Variants in AK9 observed in about 807,000 individuals in gnomAD.
AK9 encodes the protein adenylate kinase domain containing 1.
Under a neutral mutation model 239.6 loss-of-function variants are expected in AK9, and 191 were observed. The ratio of observed to expected loss-of-function variants is 0.80; its 90% CI spans 0.71 to 0.90. The LOEUF (loss-of-function observed/expected upper bound fraction) is 0.90, where lower values mean the gene tolerates loss of function less well. Among genes scored for constraint, AK9 ranks in the 40% least tolerant of loss-of-function variants. The pLI is 0.00. For missense variants in AK9, 1,995 were observed against 2,214.7 expected (o/e 0.90, Z 1.99); for synonymous variants, 689 against 721.0 (o/e 0.96, Z 0.71).
intron 33 of AK9, among the ~76,000 whole-genome samples, chr6:109,507,591 C>G (rs1778242258): frequency 6.6e-6 from 1 of 152,114 alleles, no homozygotes; most frequent in Non-Finnish European, 1.5e-5. Flanking sequence ...CTGGTTATAG[C>G]TTCCAGGAGG....
intron 9 of AK9, among the ~76,000 whole-genome samples, 175 bp from the exon 10 acceptor site, chr6:109,641,791 C>G (rs1797486567): frequency 6.6e-6 from 1 of 152,186 alleles, no homozygotes; most frequent in South Asian, 2.1e-4. Context: ...TCTTGGCTTG[C>G]ATCACTCCAA....
At chr6:109,603,675 G>A (rs1253062558) in intron 17 of AK9, among the ~76,000 whole-genome samples, 4 of 152,216 alleles carry the variant, frequency 2.6e-5, no homozygotes, top group Non-Finnish European at 5.9e-5. Context: ...CAGAGGTGGA[G>A]TCTACAGAGG....
chr6:109,520,945 T>C (rs1283146539), intron 29 of AK9, among the ~76,000 whole-genome samples: 4 of 152,138 alleles, frequency 2.6e-5, no homozygotes, highest in Admixed American at 1.3e-4. Flanking sequence ...TTTTGTGCAT[T>C]GATTTTTGTA....
chr6:109,494,374 T>A, intron 39 of AK9: 1 of 264,066 alleles, frequency 3.8e-6, no homozygotes. Context: ...TTTTTATATG[T>A]TTGACATTTT....
At chr6:109,597,667 C>T (rs1349343723) in intron 17 of AK9, among the ~76,000 whole-genome samples, 3 of 111,170 alleles carry the variant, frequency 2.7e-5, no homozygotes, top group Admixed American at 1.1e-4. Flanking sequence ...AGAGAGACAC[C>T]GTCTCAAAAA....
chr6:109,532,186 A>C (rs1475668954), intron 28 of AK9, among the ~76,000 whole-genome samples: 1 of 152,162 alleles, frequency 6.6e-6, no homozygotes, highest in African/African-American at 2.4e-5. Context: ...TCCCCTGCCA[A>C]ATGTTCGCCT....
chr6:109,588,532 C>T (rs561576104), intron 17 of AK9, among the ~76,000 whole-genome samples: 1 of 152,272 alleles, frequency 6.6e-6, no homozygotes, highest in Non-Finnish European at 1.5e-5. Context: ...ATGTTTTCTT[C>T]CATTACATAG....
chr6:109,671,883 GC>G, intron 5 of AK9, 35 bp downstream of exon 5: 1 of 1,588,848 alleles, frequency 6.3e-7, no homozygotes, highest in Non-Finnish European at 8.6e-7. Context: ...TTTTAAGGCT[GC>G]TTTGTGGGCT....
chr6:109,533,936 TC>T (rs947394921), intron 27 of AK9, among the ~76,000 whole-genome samples: 18 of 152,144 alleles, frequency 1.2e-4, no homozygotes, highest in African/African-American at 4.3e-4. Flanking sequence ...AATGTGGTAT[TC>T]TTTATTTAAA....
intron 29 of AK9, 84 bp downstream of exon 29, chr6:109,528,927 C>T: frequency 6.4e-7 from 1 of 1,559,346 alleles, no homozygotes; most frequent in Non-Finnish European, 8.7e-7. Flanking sequence ...TTCGAGGTTG[C>T]AGTGAGCTAT....
chr6:109,544,101 A>G (rs1783224484), intron 26 of AK9, among the ~76,000 whole-genome samples: 1 of 152,098 alleles, frequency 6.6e-6, no homozygotes, highest in Non-Finnish European at 1.5e-5. Flanking sequence ...CCTGGGCAAG[A>G]GAGGGAGATG....
In AK9 at chr6:109,634,639, C is replaced by T. The variant is rs58589324; in HGVS notation, c.934-1316G>A. On this transcript the variant is annotated intron_variant, in intron 10 of 40. Transcript: ENST00000424296. The stretch of plus-strand genomic sequence containing the variant: ...TGCAGGGATACTGCATGAATGTTCC[C>T]AAGTGAGAGCTGGAAGTGATAGTAA... Among the ~76,000 whole-genome samples, 444 of 152,258 alleles carry T rather than the reference C, an allele frequency of 2.9e-3. 1 individual carries two copies. Among genetic ancestry groups the T allele is most frequent in the African/African-American group, 0.01 (426 of 41,552 alleles).
At chr6:109,628,760 C>CT (rs1291616767) in intron 12 of AK9, among the ~76,000 whole-genome samples, 1 of 152,002 alleles carries the variant, frequency 6.6e-6, no homozygotes, top group Non-Finnish European at 1.5e-5. Context: ...CAGTGGAAAA[C>CT]TTCTGTGGTT....
chr6:109,504,041 G>C (rs1033828542), intron 35 of AK9, among the ~76,000 whole-genome samples: 2 of 152,170 alleles, frequency 1.3e-5, no homozygotes, highest in African/African-American at 4.8e-5. Flanking sequence ...TGTATCTCCT[G>C]ATTAGAGTTG....
chr6:109,637,639 G>T (rs1474924940), intron 10 of AK9, among the ~76,000 whole-genome samples: 1 of 152,074 alleles, frequency 6.6e-6, no homozygotes, highest in Non-Finnish European at 1.5e-5. Flanking sequence ...TAACTGGCCT[G>T]GGCATTGTAA....
At chr6:109,580,596 G>A (rs1005559997) in intron 19 of AK9, among the ~76,000 whole-genome samples, 7 of 152,110 alleles carry the variant, frequency 4.6e-5, no homozygotes, top group South Asian at 2.1e-4. Context: ...CTCATACTCC[G>A]CGTTCTTTGC....
intron 32 of AK9, among the ~76,000 whole-genome samples, chr6:109,510,156 C>T (rs996582889): frequency 6.6e-6 from 1 of 151,950 alleles, no homozygotes; most frequent in Non-Finnish European, 1.5e-5. Context: ...AGTGGGGACT[C>T]GTGGTGCCTC....
At chr6:109,601,650 C>T (rs1050265723) in intron 17 of AK9, among the ~76,000 whole-genome samples, 26 of 152,156 alleles carry the variant, frequency 1.7e-4, no homozygotes, top group South Asian at 6.2e-4. Flanking sequence ...CTTTCTGTCT[C>T]GTTGATCTGT....
At chr6:109,502,396 G>A (rs956991870) in intron 35 of AK9, among the ~76,000 whole-genome samples, 1 of 152,176 alleles carries the variant, frequency 6.6e-6, no homozygotes, top group South Asian at 2.1e-4. Context: ...AGAACGCCAT[G>A]TGATGACAGA....
Sources: allele counts gnomAD v4.1 joint callset (sites outside exome capture counted in the v4.1 genomes callset), GRCh38; gene constraint gnomAD v4.1.1; transcripts MANE v1.5; gene names NCBI Gene and HGNC (gene_info 2026-07-23, HGNC 2026-07-21).